Variants in ABCD2 observed in about 807,000 individuals in gnomAD.
ABCD2 encodes ATP-binding cassette sub-family D member 2.
In ABCD2, 36 loss-of-function variants were observed where a neutral mutation model predicts 70.9. The ratio of observed to expected loss-of-function variants is 0.51; its 90% CI spans 0.39 to 0.67. The LOEUF (loss-of-function observed/expected upper bound fraction) is 0.67. Among genes scored for constraint, ABCD2 ranks in the 30% least tolerant of loss-of-function variants. ABCD2 has a pLI of 0.00. For synonymous variants in ABCD2, 304 were observed against 306.9 expected (o/e 0.99, Z 0.10); for missense variants, 729 against 890.2 (o/e 0.82, Z 2.30).
In ABCD2 at chr12:39,579,678, C is replaced by A. The variant is rs527765368; in HGVS notation, c.1793-59G>T. On this transcript the variant is annotated intron_variant, in intron 7 of 9. Transcript: ENST00000308666. ...ATCATTTGTTTAATTGTTACTATTTCTACCCTAGACAAGTGATTCCTGACA... is the reference window on the plus strand; with the variant it reads ...ATCATTTGTTTAATTGTTACTATTTATACCCTAGACAAGTGATTCCTGACA... The A allele has an allele frequency of 3.0e-6, 4 of 1,317,344 alleles. No homozygotes were observed. The South Asian group carries it at 3.9e-5, about 13-fold the overall frequency. The allele number at this position is 1,317,344 out of a possible 1,614,324, so 81.6% of individuals were successfully genotyped here.
intron 2 of ABCD2, 87 bp downstream of exon 2, chr12:39,616,901 C>G (rs1385190044): frequency 8.2e-7 from 1 of 1,212,244 alleles, no homozygotes; most frequent in East Asian, 2.5e-5. Context: ...ACCATGTACA[C>G]AGTTTAGCTC....
At chr12:39,583,557 G>A (rs1941626077) in intron 7 of ABCD2, among the ~76,000 whole-genome samples, 1 of 152,086 alleles carries the variant, frequency 6.6e-6, no homozygotes, top group African/African-American at 2.4e-5. Context: ...CACATGTGAA[G>A]TTTTCTTACA....
At chr12:39,593,303 A>G (rs187402936) in intron 6 of ABCD2, among the ~76,000 whole-genome samples, 1 of 152,160 alleles carries the variant, frequency 6.6e-6, no homozygotes, top group Admixed American at 6.5e-5. Context: ...CCCAGGCCAG[A>G]GTGCAGTGGT....
intron 8 of ABCD2, among the ~76,000 whole-genome samples, chr12:39,579,091 G>T (rs1367043815): frequency 6.6e-6 from 1 of 152,220 alleles, no homozygotes; most frequent in African/African-American, 2.4e-5. Flanking sequence ...GCCAGTCACG[G>T]TGGCTCACGC....
rs559356270 is a variant in ABCD2 at position 39,565,841 on chromosome 12, G to T, written c.2003+7875C>A. On this transcript the variant is annotated intron_variant, in intron 9 of 9. Coordinates refer to ENST00000308666, the MANE Select transcript of ABCD2 (RefSeq NM_005164.4). ...TTATTGAGAGTTTTTAGCATGAAGG[G>T]TTGTTGAATTTTGTTAGAGGCCTTT... Among the ~76,000 whole-genome samples, 165 of 152,250 alleles carry T rather than the reference G, an allele frequency of 1.1e-3. 1 individual carries two copies. The highest frequency in any genetic ancestry group is 7.1e-3 in the Admixed American group (108 of 15,284).
chr12:39,613,571 G>A (rs1942076873), intron 2 of ABCD2, among the ~76,000 whole-genome samples: 1 of 151,976 alleles, frequency 6.6e-6, no homozygotes, highest in Non-Finnish European at 1.5e-5. Flanking sequence ...CAACCATTTG[G>A]TCCCATGGTT....
chr12:39,605,585 A>G (rs191566111), intron 3 of ABCD2, among the ~76,000 whole-genome samples: 3 of 152,240 alleles, frequency 2.0e-5, no homozygotes, highest in Admixed American at 6.5e-5. Flanking sequence ...ACTTTAGTCC[A>G]CAAAGCTCAA....
Position 39,573,846 on chromosome 12 carries a change from T to G in ABCD2, c.1878-5A>C, listed in dbSNP as rs753321440. The G allele has an allele frequency of 6.2e-7, 1 of 1,608,254 alleles. No homozygotes were observed. Among genetic ancestry groups the G allele is most frequent in the Admixed American group, 1.7e-5 (1 of 59,074 alleles). On this transcript the variant is annotated splice_region_variant and splice_polypyrimidine_tract_variant and intron_variant, in intron 8 of 9. Transcript: ENST00000308666. ...TCCAGCAAGGCATATTTTGGTCTTT[T>G]AAAAAGTACACACAAAAATTAATTA...
Position 39,607,698 on chromosome 12 carries a change from T to G in ABCD2, c.1137A>C (p.Gln379His). Residue 379 changes from glutamine (Q) to histidine (H), a missense_variant, in exon 3 of 10, where the codon CAA becomes CAC. Gln to His is a conservative substitution (Grantham distance 24, BLOSUM62 0). Around this residue, in one of 3 missense-constraint regions of ABCD2, gnomAD observed 195 missense variants for 300.2 expected, o/e 0.65. Coordinates refer to ENST00000308666, the MANE Select transcript of ABCD2 (RefSeq NM_005164.4). ...CTTCTGTCCGTTCACTAACCATAAC[T>G]TGCTTTTGGCCATCCTCTAGATATA... is the stretch of plus-strand genomic sequence containing the variant. Reference protein sequence around the residue: ...GFADGEDGQKQVMVSERTEAF... With the variant: ...GFADGEDGQKHVMVSERTEAF... 6.2e-7 allele frequency: 1 copy of G among 1,611,322 alleles called. No homozygotes were observed. Among genetic ancestry groups the G allele is most frequent in the Non-Finnish European group, 8.5e-7 (1 of 1,179,204 alleles).
intron 6 of ABCD2, among the ~76,000 whole-genome samples, chr12:39,589,099 T>C (rs1425154594): frequency 6.6e-6 from 1 of 152,042 alleles, no homozygotes; most frequent in Non-Finnish European, 1.5e-5. Context: ...TACTGCAACT[T>C]GATTAAAAAA....
the ABCD2 span, among the ~76,000 whole-genome samples, chr12:39,543,842 C>T: frequency 6.6e-6 from 1 of 152,170 alleles, no homozygotes; most frequent in Non-Finnish European, 1.5e-5. Context: ...AACTACTATG[C>T]ATCAGACACT....
At chr12:39,611,184 C>A (rs1171592213) in intron 2 of ABCD2, among the ~76,000 whole-genome samples, 1 of 152,090 alleles carries the variant, frequency 6.6e-6, no homozygotes, top group Non-Finnish European at 1.5e-5. Context: ...TTTACCATAA[C>A]CCTTGCAAAT....
chr12:39,593,692 T>C (rs1941776599), intron 6 of ABCD2, among the ~76,000 whole-genome samples: 3 of 152,226 alleles, frequency 2.0e-5, no homozygotes, highest in South Asian at 4.1e-4. Context: ...CCGTCTTCAC[T>C]GTTGCAAGCG....
At chr12:39,612,202 G>A (rs1040371613) in intron 2 of ABCD2, among the ~76,000 whole-genome samples, 52 of 152,164 alleles carry the variant, frequency 3.4e-4, no homozygotes, top group African/African-American at 1.2e-3. Flanking sequence ...TGCATAGCCT[G>A]TAATCTAGCA....
chr12:39,617,787 G>A (rs1942136781), intron 1 of ABCD2, among the ~76,000 whole-genome samples: 1 of 152,052 alleles, frequency 6.6e-6, no homozygotes. Context: ...ATTCTGCTTG[G>A]TGATTGACAT....
chr12:39,619,179 T>G lies in ABCD2; in HGVS notation c.437A>C (p.Lys146Thr). 6.2e-7 allele frequency: 1 copy of G among 1,614,172 alleles called. No individual in the cohort carries two copies. ...GGCAATCATAAGCCACTTGATTAAT[T>G]TGATGATGAAAGTCCGAGGCTTCTT... is the stretch of plus-strand genomic sequence containing the variant. ...VEKKPRTFII[K>T]LIKWLMIAIP... Residue 146 changes from lysine (K) to threonine (T), a missense_variant, in exon 1 of 10, where the codon AAA (lysine) becomes ACA (threonine). This residue lies in a region of ABCD2 where 245 missense variants were observed against 261.2 expected (regional missense o/e 0.94). Transcript: ENST00000308666.
intron 9 of ABCD2, among the ~76,000 whole-genome samples, chr12:39,572,695 G>T (rs1941464318): frequency 1.3e-5 from 2 of 152,116 alleles, no homozygotes; most frequent in South Asian, 4.1e-4. Context: ...TTCCAATAAT[G>T]CTTGCTACTA....
At chr12:39,600,420 A>C in intron 6 of ABCD2, 151 bp downstream of exon 6, 1 of 735,316 alleles carries the variant, frequency 1.4e-6, no homozygotes, top group Non-Finnish European at 2.1e-6. Context: ...AGCAGTAATA[A>C]AATATTTTGG....
chr12:39,564,151 G>A (rs1362739224), intron 9 of ABCD2, among the ~76,000 whole-genome samples: 4 of 152,154 alleles, frequency 2.6e-5, no homozygotes, highest in Non-Finnish European at 5.9e-5. Context: ...CCAGTAATGG[G>A]ATGGCTGGGT....
Sources: allele counts gnomAD v4.1 joint callset (sites outside exome capture counted in the v4.1 genomes callset), GRCh38; gene constraint gnomAD v4.1.1; regional missense constraint gnomAD v4.1.1; transcripts MANE v1.5; gene names NCBI Gene and HGNC (gene_info 2026-07-23, HGNC 2026-07-21).